The following MROH2A variants were observed in gnomAD, a reference collection of about 807,000 sequenced individuals.
MROH2A encodes maestro heat like repeat family member 2A.
Under a neutral mutation model 200.4 loss-of-function variants are expected in MROH2A, and 174 were observed. The observed-to-expected ratio is 0.87, with a 90% CI of 0.77 to 0.98. The LOEUF (loss-of-function observed/expected upper bound fraction) is 0.98, where lower values mean the gene tolerates loss of function less well. MROH2A is among the 50% of genes least tolerant of loss of function. The probability of loss-of-function intolerance (pLI) is 0.00; values close to 1 mark genes in which losing one functional copy is unlikely to be tolerated. For synonymous variants in MROH2A, 829 were observed against 840.4 expected, an observed-to-expected ratio of 0.99 and a Z score of 0.23; for missense variants, 2,045 against 2,139.6, an observed-to-expected ratio of 0.96 and a Z score of 0.87.
chr2:233,806,557 A>T (rs1702801161), intron 19 of MROH2A, among the ~76,000 whole-genome samples: 1 of 152,236 alleles, frequency 6.6e-6, no homozygotes, highest in Non-Finnish European at 1.5e-5. Flanking sequence ...GATGATCAGC[A>T]CAACTAAAAA....
At chr2:233,792,972 A>C (rs1272888950) in intron 6 of MROH2A, 78 bp downstream of exon 6, 1 of 1,390,866 alleles carries the variant, frequency 7.2e-7, no homozygotes, top group African/African-American at 1.4e-5. Context: ...GAGCAGATGG[A>C]GGGGTTGTTG....
At chr2:233,822,682 C>A in intron 33 of MROH2A, 126 bp downstream of exon 33, 1 of 1,182,876 alleles carries the variant, frequency 8.5e-7, no homozygotes, top group African/African-American at 1.5e-5. Context: ...TCTGATCTTA[C>A]TCAAAATGCC....
At position 233,829,019 on chromosome 2, in the gene MROH2A, G is replaced by T. The variant is rs1474199463; in HGVS notation, c.4393G>T (p.Val1465Leu). The change falls in exon 37 of 42, where the codon GTG becomes TTG. Residue 1465 changes from valine (V) to leucine (L), a missense_variant. Coordinates refer to ENST00000389758, the MANE Select transcript of MROH2A (RefSeq NM_001394639.1). Reference sequence around the variant, plus strand: ...CCTGGCTGAGCTCCGGGAAGGGGATGTGGGGTCCTCTTTCGACGCCATGTC... The same window carrying T: ...CCTGGCTGAGCTCCGGGAAGGGGATTTGGGGTCCTCTTTCGACGCCATGTC... The part of the protein sequence containing the change: ...KILAELREGD[V>L]GSSFDAMSEQ... 1 of 1,549,988 alleles carries T rather than the reference G, an allele frequency of 6.5e-7. No individual in the cohort carries two copies. Among genetic ancestry groups the T allele is most frequent in the East Asian group, 2.4e-5 (1 of 40,890 alleles).
intron 3 of MROH2A, among the ~76,000 whole-genome samples, chr2:233,785,100 C>A (rs966756964): frequency 6.6e-6 from 1 of 151,406 alleles, no homozygotes; most frequent in Admixed American, 6.6e-5. Context: ...GAGCTGAGAT[C>A]GTGCCACTGC....
At position 233,788,005 on chromosome 2, in the gene MROH2A, AC is replaced by A. The variant is rs1186123155; in HGVS notation, c.277-1491del. 5.5e-4 allele frequency among the ~76,000 whole-genome samples: 40 copies of A among 72,516 alleles called. 6 individuals are homozygous for A. The highest frequency in any genetic ancestry group is 2.2e-3 in the African/African-American group (37 of 16,764). 47.6% of individuals were successfully genotyped at this position (72,516 alleles called of 152,430 possible). A position where few individuals can be genotyped will look rare whatever the true frequency, so the allele number is the denominator to read the frequency against. On this transcript the variant is annotated intron_variant, in intron 3 of 41. Coordinates refer to ENST00000389758, the MANE Select transcript of MROH2A (RefSeq NM_001394639.1). The stretch of plus-strand genomic sequence containing the variant: ...TTATATATACATATATTATATATAT[AC>A]ATATATATTATATATACATATATTA...
intron 1 of MROH2A, 87 bp from the exon 2 acceptor site, chr2:233,779,258 T>C: frequency 1.3e-6 from 1 of 792,146 alleles, no homozygotes; most frequent in Non-Finnish European, 2.1e-6. Context: ...CTCAAGGGGA[T>C]GGCTTTATGG....
chr2:233,796,390 T>A lies in MROH2A; in HGVS notation c.1252+77T>A, dbSNP rs141032020. ...TGGAGAACAAGGGAGGCAAGTTTCA[T>A]TCATGTTCGGGCATTGCCACTTCCT... is the stretch of plus-strand genomic sequence containing the variant. On this transcript the variant is annotated intron_variant, in intron 11 of 41. Coordinates refer to ENST00000389758, the MANE Select transcript of MROH2A (RefSeq NM_001394639.1). The A allele has an allele frequency of 1.4e-3, 1,424 of 987,186 alleles. 36 individuals are homozygous for A. In the East Asian group the frequency reaches 0.036, roughly 25 times the overall value. 61.2% of individuals were successfully genotyped at this position (987,186 alleles called of 1,614,324 possible).
chr2:233,807,329 A>C lies in MROH2A; in HGVS notation c.2053-94A>C. ...CAAGTATCTTCTGCACATTAAAATA[A>C]ATTGAAAAATACGTAGAAAACTCTC... On this transcript the variant is annotated intron_variant, in intron 19 of 41. Transcript: ENST00000389758. The surrounding 1 kb of genome is among the most constrained non-coding windows in gnomAD (Gnocchi z 4.3). 2.3e-6 allele frequency: 3 copies of C among 1,331,838 alleles called. No individual in the cohort carries two copies. The highest frequency in any genetic ancestry group is 5.1e-5 in the East Asian group (2 of 39,298). The allele number at this position is 1,331,838 out of a possible 1,614,324, so 82.5% of individuals were successfully genotyped here.
At chr2:233,802,633 C>G (rs1022403661) in intron 15 of MROH2A, among the ~76,000 whole-genome samples, 1 of 152,196 alleles carries the variant, frequency 6.6e-6, no homozygotes, top group African/African-American at 2.4e-5. Context: ...TACTGGGCCT[C>G]TGCTCTGCCT....
chr2:233,812,041 G>A, intron 24 of MROH2A, 82 bp downstream of exon 24: 1 of 994,354 alleles, frequency 1.0e-6, no homozygotes, highest in Non-Finnish European at 1.5e-6. Context: ...TTCAGGGGTT[G>A]TGCCTCCTTT....
chr2:233,822,030 C>T, intron 31 of MROH2A, 94 bp from the exon 32 acceptor site: 1 of 1,418,946 alleles, frequency 7.0e-7, no homozygotes, highest in Non-Finnish European at 9.4e-7. Context: ...AGTCCAACCC[C>T]TACTTAGGGG....
chr2:233,819,563 G>C, intron 30 of MROH2A, 94 bp downstream of exon 30: 1 of 1,288,328 alleles, frequency 7.8e-7, no homozygotes, highest in Non-Finnish European at 1.1e-6. Flanking sequence ...ACCAGCACTC[G>C]CTGAGAATGC....
chr2:233,814,520 C>T, intron 25 of MROH2A, 62 bp from the exon 26 acceptor site: 1 of 1,249,466 alleles, frequency 8.0e-7, no homozygotes, highest in East Asian at 2.6e-5. Flanking sequence ...GAACTCCCTG[C>T]AGGGAGGGGG....
At chr2:233,811,812 C>A in intron 23 of MROH2A, 68 bp from the exon 24 acceptor site, 2 of 1,016,690 alleles carry the variant, frequency 2.0e-6, no homozygotes, top group Admixed American at 2.0e-5. Flanking sequence ...CTTCCTCATG[C>A]TAACACTGGG....
At chr2:233,799,233 A>G (rs1326075787) in intron 12 of MROH2A, among the ~76,000 whole-genome samples, 1 of 152,166 alleles carries the variant, frequency 6.6e-6, no homozygotes, top group African/African-American at 2.4e-5. Flanking sequence ...CCCAGGCTCC[A>G]TGGCAGCCAC....
At chr2:233,822,752 G>A (rs1203704029) in intron 33 of MROH2A, 129 bp from the exon 34 acceptor site, 7 of 1,271,582 alleles carry the variant, frequency 5.5e-6, no homozygotes, top group Non-Finnish European at 6.5e-6. Flanking sequence ...CTCCCTCCCT[G>A]GACCTTTCCC....
Position 233,807,576 on chromosome 2 carries a change from G to C in MROH2A, c.2172+34G>C, listed in dbSNP as rs1353740519. ...GCCTGCAGCCTCCTCCTGTCCACCA[G>C]ATGCCTCTGGACCCTCGGGGACATG... is the stretch of plus-strand genomic sequence containing the variant. On this transcript the variant is annotated intron_variant, in intron 20 of 41. Coordinates refer to ENST00000389758, the MANE Select transcript of MROH2A (RefSeq NM_001394639.1). This position sits in a 1 kb window ranked among gnomAD's most constrained non-coding sequence, Gnocchi z 4.3. 6.5e-7 allele frequency: 1 copy of C among 1,549,334 alleles called. No individual in the cohort carries two copies. The highest frequency in any genetic ancestry group is 8.7e-7 in the Non-Finnish European group (1 of 1,146,472).
At chr2:233,813,841 C>T in intron 25 of MROH2A, 63 bp downstream of exon 25, 2 of 897,940 alleles carry the variant, frequency 2.2e-6, no homozygotes, top group Admixed American at 4.3e-5. Flanking sequence ...TTAACATGGG[C>T]CATGCTGAGA....
At chr2:233,825,087 A>G (rs1053613731) in intron 35 of MROH2A, among the ~76,000 whole-genome samples, 5 of 152,094 alleles carry the variant, frequency 3.3e-5, no homozygotes, top group African/African-American at 1.2e-4. Context: ...CTTTGTAGCA[A>G]TTGTGAATGG....
Sources: gnomAD v4.1 joint callset for allele counts (sites outside exome capture counted in the v4.1 genomes callset) on GRCh38, gnomAD v4.1.1 for gene constraint, Gnocchi (gnomAD v3.1) non-coding constraint, MANE v1.5 for transcripts, NCBI Gene and HGNC (gene_info 2026-07-23, HGNC 2026-07-21) for gene names.